THADA: variants seen among roughly 807,000 people sequenced by gnomAD.
THADA encodes the protein THADA armadillo repeat containing.
THADA carries 213 observed loss-of-function variants against 219.8 expected under a neutral mutation model. The ratio of observed to expected loss-of-function variants is 0.97; its 90% CI spans 0.87 to 1.09. The LOEUF (loss-of-function observed/expected upper bound fraction) is 1.09, where lower values mean the gene tolerates loss of function less well. Among genes scored for constraint, THADA ranks in the 50% least tolerant of loss-of-function variants. The pLI is 0.00. For missense variants in THADA, 2,956 were observed against 2,311.3 expected, an observed-to-expected ratio of 1.28 and a Z score of -5.72; for synonymous variants, 1,018 against 828.9, an observed-to-expected ratio of 1.23 and a Z score of -3.92.
intron 26 of THADA, among the ~76,000 whole-genome samples, chr2:43,459,139 C>A (rs1683342875): frequency 6.6e-6 from 1 of 152,184 alleles, no homozygotes; most frequent in African/African-American, 2.4e-5. Context: ...AAGATACTTT[C>A]TTTGCTCCCA....
In THADA at chr2:43,330,662, T is replaced by C. The variant is rs116069662; in HGVS notation, c.4344-10122A>G. On this transcript the variant is annotated intron_variant, in intron 30 of 37. Coordinates refer to ENST00000405975, the MANE Select transcript of THADA (RefSeq NM_022065.5). The stretch of plus-strand genomic sequence containing the variant: ...ACAAACTTATTTACATATTAAAATT[T>C]AGGGACAGCCAGCCAGCTGAGAGTG... 7.2e-3 allele frequency among the ~76,000 whole-genome samples: 1,090 copies of C among 152,276 alleles called. 13 individuals are homozygous for C. The highest frequency in any genetic ancestry group is 0.025 in the African/African-American group (1,040 of 41,544).
At chr2:43,257,621 G>A (rs761920625) in intron 36 of THADA, among the ~76,000 whole-genome samples, 3 of 152,218 alleles carry the variant, frequency 2.0e-5, no homozygotes, top group Admixed American at 6.5e-5. Context: ...AGATATGGAA[G>A]GCCTTTCTCT....
chr2:43,467,200 A>AC (rs1482798897), intron 26 of THADA, among the ~76,000 whole-genome samples: 3 of 149,302 alleles, frequency 2.0e-5, no homozygotes, highest in Non-Finnish European at 4.5e-5. Context: ...AAAAAAAAAA[A>AC]AAAAAACACC....
At chr2:43,323,230 C>T (rs1289523274) in intron 30 of THADA, among the ~76,000 whole-genome samples, 1 of 152,102 alleles carries the variant, frequency 6.6e-6, no homozygotes, top group East Asian at 1.9e-4. Context: ...TAGCCTCAAC[C>T]TCCTGGGCTC....
chr2:43,312,593 G>A (rs1240482480), intron 31 of THADA, among the ~76,000 whole-genome samples: 1 of 152,086 alleles, frequency 6.6e-6, no homozygotes, highest in Non-Finnish European at 1.5e-5. Flanking sequence ...AAGACAGCTA[G>A]GAAACATCTG....
intron 21 of THADA, among the ~76,000 whole-genome samples, chr2:43,536,115 T>A (rs1443497543): frequency 2.6e-5 from 4 of 152,106 alleles, no homozygotes; most frequent in Admixed American, 2.6e-4. Context: ...TCATTTTGAG[T>A]TGATTTTTGT....
chr2:43,594,235 T>C (rs1180580411), intron 1 of THADA, among the ~76,000 whole-genome samples: 5 of 152,188 alleles, frequency 3.3e-5, no homozygotes, highest in African/African-American at 1.2e-4. Flanking sequence ...TTGAATTACT[T>C]ACTCTCTTCC....
Position 43,560,251 on chromosome 2 carries a change from T to C in THADA, c.2446A>G (p.Thr816Ala), listed in dbSNP as rs767915404. The change falls in exon 16 of 38, where the codon ACA becomes GCA. Residue 816 changes from threonine to alanine, a missense_variant. Physicochemically the swap from Thr to Ala is moderately conservative, Grantham distance 58. Transcript: ENST00000405975. Reference sequence around the variant, plus strand: ...CCTGATACCTGAAAATGTACAGCTGTTTTTGATAACTTCATCAGAAGATCA... The same window carrying C: ...CCTGATACCTGAAAATGTACAGCTGCTTTTGATAACTTCATCAGAAGATCA... ...AFDLLMKLSKTAVHFQDSGKL... is the reference protein window; with the variant it reads ...AFDLLMKLSKAAVHFQDSGKL... 9 of 1,611,778 alleles carry C rather than the reference T, an allele frequency of 5.6e-6. No individual in the cohort carries two copies. In the African/African-American group the frequency reaches 1.2e-4, roughly 22 times the overall value.
chr2:43,525,494 C>A (rs1342917001), intron 22 of THADA, among the ~76,000 whole-genome samples: 1 of 152,154 alleles, frequency 6.6e-6, no homozygotes, highest in Admixed American at 6.5e-5. Flanking sequence ...AATACTCTCT[C>A]TGGGGGAAGC....
At chr2:43,564,816 C>G (rs896917985) in intron 15 of THADA, 1 of 152,180 alleles carries the variant, frequency 6.6e-6, no homozygotes, top group Non-Finnish European at 1.5e-5. Context: ...TGAATCAAAT[C>G]ATCAGGAAAC....
chr2:43,303,431 G>A (rs1229612439), intron 31 of THADA, among the ~76,000 whole-genome samples: 1 of 152,096 alleles, frequency 6.6e-6, no homozygotes, highest in East Asian at 1.9e-4. Context: ...AGCAGGGATG[G>A]CATCATACTT....
intron 29 of THADA, among the ~76,000 whole-genome samples, chr2:43,381,807 A>G (rs1672065310): frequency 6.6e-6 from 1 of 151,872 alleles, no homozygotes; most frequent in South Asian, 2.1e-4. Flanking sequence ...CTGGTCTCAA[A>G]CTCCTGACCT....
chr2:43,264,378 C>T (rs1458124568), intron 36 of THADA, among the ~76,000 whole-genome samples: 11 of 151,642 alleles, frequency 7.3e-5, no homozygotes, highest in Non-Finnish European at 7.4e-5. Flanking sequence ...CTCCGCCTCT[C>T]GGGTTCAAGT....
In THADA at chr2:43,232,713, CT is replaced by C; in HGVS notation, c.5465del (p.Gln1822ArgfsTer20). On this transcript the variant is annotated frameshift_variant and splice_region_variant, in exon 37 of 38. Coordinates refer to ENST00000405975, the MANE Select transcript of THADA (RefSeq NM_022065.5). LOFTEE classifies it low-confidence loss of function (END_TRUNC). Reference sequence around the variant, plus strand: ...TACTCCCCTGACACCCCGGGATCACCTGATGCATGCTCTCCACACAGGCCAC... The same window carrying C: ...TACTCCCCTGACACCCCGGGATCACCGATGCATGCTCTCCACACAGGCCAC... Reference protein sequence around the residue: ...DLVACVESMHQVEEDYLFEKA... With the variant: ...DLVACVESMHXVEEDYLFEKA... The C allele has an allele frequency of 1.2e-6, 2 of 1,613,730 alleles. No homozygotes were observed. Among genetic ancestry groups the C allele is most frequent in the Non-Finnish European group, 1.7e-6 (2 of 1,179,702 alleles).
intron 1 of THADA, among the ~76,000 whole-genome samples, chr2:43,593,408 T>C (rs919234525): frequency 1.3e-5 from 2 of 152,010 alleles, no homozygotes; most frequent in African/African-American, 4.8e-5. Context: ...ACAGGCCAGG[T>C]GACATGTAGA....
chr2:43,540,446 G>C (rs919084237), intron 21 of THADA, among the ~76,000 whole-genome samples: 3 of 152,206 alleles, frequency 2.0e-5, no homozygotes, highest in East Asian at 1.9e-4. Flanking sequence ...TTTTGTTCTT[G>C]AATTGTAACA....
At chr2:43,406,640 T>C (rs535787814) in intron 28 of THADA, among the ~76,000 whole-genome samples, 20 of 152,264 alleles carry the variant, frequency 1.3e-4, no homozygotes, top group African/African-American at 4.6e-4. Flanking sequence ...TACAAAGACA[T>C]TGGGAGCCCT....
At chr2:43,283,619 T>G (rs1289998376) in intron 35 of THADA, among the ~76,000 whole-genome samples, 3 of 152,254 alleles carry the variant, frequency 2.0e-5, no homozygotes, top group Non-Finnish European at 4.4e-5. Flanking sequence ...ATTTTGCCCC[T>G]GCCCTAGAGA....
At chr2:43,529,038 A>C (rs1224211542) in intron 21 of THADA, among the ~76,000 whole-genome samples, 1 of 152,100 alleles carries the variant, frequency 6.6e-6, no homozygotes, top group Non-Finnish European at 1.5e-5. Flanking sequence ...CTCCTGAAAA[A>C]CTACTAGGCT....
Sources: gnomAD v4.1 joint callset for allele counts (sites outside exome capture counted in the v4.1 genomes callset) on GRCh38, gnomAD v4.1.1 for gene constraint, MANE v1.5 for transcripts, NCBI Gene and HGNC (gene_info 2026-07-23, HGNC 2026-07-21) for gene names.